Variants in FBXL13 observed in about 807,000 individuals in gnomAD.
FBXL13 encodes F-box and leucine-rich repeat protein 13.
FBXL13 carries 67 observed loss-of-function variants against 83.6 expected under a neutral mutation model. That is an observed-to-expected ratio of 0.80 (90% CI 0.66 to 0.98). The LOEUF (loss-of-function observed/expected upper bound fraction) is 0.98, where lower values mean the gene tolerates loss of function less well. Ranked by LOEUF, FBXL13 falls within the 50% of genes least tolerant of loss-of-function variation. FBXL13 has a pLI of 0.00. For missense variants in FBXL13, 822 were observed against 866.5 expected, an observed-to-expected ratio of 0.95 and a Z score of 0.64; for synonymous variants, 272 against 299.5, an observed-to-expected ratio of 0.91 and a Z score of 0.95.
chr7:102,883,718 G>T, intron 12 of FBXL13, 33 bp from the exon 14 acceptor site: 1 of 1,362,686 alleles, frequency 7.3e-7, no homozygotes, highest in Non-Finnish European at 1.0e-6. Flanking sequence ...AATTAATCAA[G>T]TGTACAGAAC....
chr7:102,854,288 G>A (rs866671705), intron 17 of FBXL13, among the ~76,000 whole-genome samples: 4 of 151,806 alleles, frequency 2.6e-5, no homozygotes, highest in South Asian at 4.2e-4. Flanking sequence ...ACCAAACACC[G>A]CATATTCTCA....
chr7:103,003,473 G>A (rs987708259), intron 6 of FBXL13, among the ~76,000 whole-genome samples: 12 of 151,704 alleles, frequency 7.9e-5, no homozygotes. Flanking sequence ...TTTTAGTAGA[G>A]ACAGGGTTTC....
chr7:103,051,464 C>T (rs977789415), intron 2 of FBXL13, among the ~76,000 whole-genome samples: 2 of 152,040 alleles, frequency 1.3e-5, no homozygotes, highest in African/African-American at 4.8e-5. Context: ...CTCTGAAATC[C>T]GAGAGAGAGC....
intron 16 of FBXL13, among the ~76,000 whole-genome samples, chr7:102,858,849 C>T (rs1489320994): frequency 6.6e-6 from 1 of 152,030 alleles, no homozygotes; most frequent in Non-Finnish European, 1.5e-5. Context: ...GTGGGACAGG[C>T]ATAAGGAGTG....
chr7:102,906,432 G>T (rs568567266), intron 11 of FBXL13, among the ~76,000 whole-genome samples: 2 of 152,260 alleles, frequency 1.3e-5, no homozygotes, highest in African/African-American at 4.8e-5. Context: ...GTGCTTTTCT[G>T]TGTACTTACT....
chr7:102,857,121 C>T (rs1055383798), intron 16 of FBXL13, among the ~76,000 whole-genome samples: 31 of 151,146 alleles, frequency 2.1e-4, no homozygotes, highest in Admixed American at 1.7e-3. Flanking sequence ...AGACCTGAAA[C>T]GATAGAGCTA....
At chr7:103,044,071 C>T (rs1018720850) in intron 2 of FBXL13, among the ~76,000 whole-genome samples, 1 of 152,048 alleles carries the variant, frequency 6.6e-6, no homozygotes, top group African/African-American at 2.4e-5. Context: ...ATTGTCCACA[C>T]AAAATGTTGG....
chr7:102,858,529 T>C (rs1458814611), intron 16 of FBXL13, among the ~76,000 whole-genome samples: 1 of 152,140 alleles, frequency 6.6e-6, no homozygotes, highest in Non-Finnish European at 1.5e-5. Context: ...AATAACACTC[T>C]GCATTCCACA....
intron 18 of FBXL13, among the ~76,000 whole-genome samples, chr7:102,828,204 C>A (rs1379655593): frequency 1.3e-5 from 2 of 152,136 alleles, no homozygotes; most frequent in African/African-American, 4.8e-5. Context: ...ATTGATTCTT[C>A]CTACCCATGA....
At chr7:102,879,773 C>T (rs962636167) in intron 14 of FBXL13, among the ~76,000 whole-genome samples, 7 of 152,166 alleles carry the variant, frequency 4.6e-5, no homozygotes, top group South Asian at 4.1e-4. Context: ...GTGGCACGAT[C>T]TCAGCTCACT....
chr7:102,943,406 C>T (rs1205958843), intron 8 of FBXL13, among the ~76,000 whole-genome samples: 2 of 149,940 alleles, frequency 1.3e-5, no homozygotes, highest in East Asian at 3.9e-4. Flanking sequence ...TCTAGTAAAA[C>T]TAATCAAGGG....
At chr7:102,931,195 C>A (rs898006466) in intron 9 of FBXL13, among the ~76,000 whole-genome samples, 2 of 152,154 alleles carry the variant, frequency 1.3e-5, no homozygotes, top group Non-Finnish European at 2.9e-5. Flanking sequence ...CAAGGAGCAA[C>A]TTGGAGCATG....
chr7:102,933,716 AG>A (rs1819670362), intron 8 of FBXL13: 1 of 485,200 alleles, frequency 2.1e-6, no homozygotes, highest in Admixed American at 3.7e-5. Flanking sequence ...CTTATCTGTC[AG>A]TAATACAGTG....
intron 1 of FBXL13, among the ~76,000 whole-genome samples, chr7:103,069,997 T>G (rs1017101514): frequency 9.6e-5 from 14 of 146,112 alleles, no homozygotes; most frequent in African/African-American, 3.3e-4. Flanking sequence ...GAGAATGGCG[T>G]GAAGCCAGGA....
In FBXL13 at chr7:103,071,278, A is replaced by T. The variant is rs142380620; in HGVS notation, c.-105+2968T>A. On this transcript the variant is annotated intron_variant, in intron 1 of 19. Coordinates refer to ENST00000313221, the Ensembl canonical transcript of FBXL13. The stretch of plus-strand genomic sequence containing the variant: ...AAAAGGAAAAGAGAGAACTGAATAG[A>T]AGTACTATTTGAAAAGAACCAAGAA... Among the ~76,000 whole-genome samples, 391 of 152,346 alleles carry T rather than the reference A, an allele frequency of 2.6e-3. 4 individuals are homozygous for T. The highest frequency in any genetic ancestry group is 8.9e-3 in the African/African-American group (370 of 41,592).
At chr7:102,903,631 T>C (rs1813259326) in intron 11 of FBXL13, among the ~76,000 whole-genome samples, 1 of 152,048 alleles carries the variant, frequency 6.6e-6, no homozygotes, top group Non-Finnish European at 1.5e-5. Context: ...TGAAGGGATA[T>C]TGAATTTTTT....
chr7:103,056,112 C>T (rs1384579072), intron 1 of FBXL13, among the ~76,000 whole-genome samples: 1 of 152,100 alleles, frequency 6.6e-6, no homozygotes, highest in Non-Finnish European at 1.5e-5. Context: ...TTTGGTTTTC[C>T]ATTCCTGAGT....
At chr7:102,883,114 C>T (rs1357781680) in intron 14 of FBXL13, among the ~76,000 whole-genome samples, 191 bp downstream of exon 15, 1 of 151,722 alleles carries the variant, frequency 6.6e-6, no homozygotes, top group Non-Finnish European at 1.5e-5. Context: ...GCTTCCCCTA[C>T]ACCCCATATA....
intron 8 of FBXL13, chr7:102,934,336 C>G (rs368332401): frequency 3.1e-5 from 50 of 1,614,118 alleles, no homozygotes; most frequent in Non-Finnish European, 4.1e-5. Flanking sequence ...ACAACCAGAT[C>G]AAAGTCTTGA....
Sources: gnomAD v4.1 joint callset for allele counts (sites outside exome capture counted in the v4.1 genomes callset) on GRCh38, gnomAD v4.1.1 for gene constraint, MANE v1.5 for transcripts, NCBI Gene and HGNC (gene_info 2026-07-23, HGNC 2026-07-21) for gene names.